ATP1B3: variants seen among roughly 807,000 people sequenced by gnomAD.
ATP1B3 encodes sodium/potassium-transporting ATPase subunit beta-3.
In ATP1B3, 10 loss-of-function variants were observed where a neutral mutation model predicts 30.2. The observed-to-expected ratio is 0.33, with a 90% CI of 0.20 to 0.56. The LOEUF is 0.56. ATP1B3 is among the 20% of genes least tolerant of loss of function. The pLI is 0.90. For synonymous variants in ATP1B3, 113 were observed against 117.0 expected (o/e 0.97, Z 0.22); for missense variants, 238 against 336.7 (o/e 0.71, Z 2.29).
intron 1 of ATP1B3, among the ~76,000 whole-genome samples, chr3:141,893,110 G>A (rs1191768349): frequency 6.6e-6 from 1 of 152,068 alleles, no homozygotes; most frequent in Non-Finnish European, 1.5e-5. Flanking sequence ...TCAGGTTAAA[G>A]CAATTCTCCT....
At chr3:141,884,056 G>A (rs11706195) in intron 1 of ATP1B3, among the ~76,000 whole-genome samples, 16,383 of 152,154 alleles carry the variant, frequency 0.11, 1,080 homozygotes, top group Middle Eastern at 0.16. Context: ...CCCTCATAAA[G>A]TCTTTTTTTC....
intron 1 of ATP1B3, among the ~76,000 whole-genome samples, chr3:141,886,769 G>A (rs918607984): frequency 6.6e-6 from 1 of 152,198 alleles, no homozygotes; most frequent in African/African-American, 2.4e-5. Context: ...AGGCCAAGAT[G>A]GGAGGACTAC....
At chr3:141,923,089 C>G (rs1463698435) in intron 6 of ATP1B3, among the ~76,000 whole-genome samples, 1 of 152,110 alleles carries the variant, frequency 6.6e-6, no homozygotes, top group Non-Finnish European at 1.5e-5. Context: ...ACCAGCCTGA[C>G]TAGCATAGTG....
intron 3 of ATP1B3, among the ~76,000 whole-genome samples, chr3:141,911,064 A>G (rs1576398110): frequency 6.6e-6 from 1 of 151,192 alleles, no homozygotes; most frequent in Admixed American, 6.6e-5. Flanking sequence ...TTCTGTCTCT[A>G]AAGTATTTTG....
At chr3:141,923,335 G>A (rs1934600354) in intron 6 of ATP1B3, among the ~76,000 whole-genome samples, 1 of 151,880 alleles carries the variant, frequency 6.6e-6, no homozygotes, top group South Asian at 2.1e-4. Flanking sequence ...GGGACTAGCG[G>A]CTTTATAAGA....
chr3:141,924,196 T>C (rs1173322060), intron 6 of ATP1B3, among the ~76,000 whole-genome samples: 1 of 150,424 alleles, frequency 6.6e-6, no homozygotes, highest in African/African-American at 2.5e-5. Context: ...ATACAAAAAT[T>C]AGCTGACCGT....
intron 3 of ATP1B3, among the ~76,000 whole-genome samples, chr3:141,911,461 T>C (rs558320500): frequency 4.5e-4 from 69 of 152,090 alleles, no homozygotes; most frequent in Admixed American, 1.9e-3. Context: ...CTCTTTCCTT[T>C]AGGGTCATTC....
At chr3:141,912,450 T>G (rs568237344) in intron 3 of ATP1B3, among the ~76,000 whole-genome samples, 1 of 151,892 alleles carries the variant, frequency 6.6e-6, no homozygotes, top group South Asian at 2.1e-4. Context: ...TTTAGTAGAG[T>G]CGTGGTTTCA....
chr3:141,907,087 T>G, intron 2 of ATP1B3, 80 bp from the exon 3 acceptor site: 2 of 1,051,054 alleles, frequency 1.9e-6, no homozygotes, highest in Non-Finnish European at 2.7e-6. Flanking sequence ...TGTAATTTGC[T>G]GAGATCTGCT....
intron 3 of ATP1B3, among the ~76,000 whole-genome samples, chr3:141,907,652 A>G (rs1440568042): frequency 1.3e-5 from 2 of 152,158 alleles, no homozygotes; most frequent in Non-Finnish European, 2.9e-5. Flanking sequence ...AAAAAAAAAA[A>G]AAGAGTCCCA....
At chr3:141,891,320 A>T (rs1157700910) in intron 1 of ATP1B3, among the ~76,000 whole-genome samples, 1 of 152,346 alleles carries the variant, frequency 6.6e-6, no homozygotes, top group Non-Finnish European at 1.5e-5. Context: ...TGCAAGCCTT[A>T]TAAAAACCAT....
At chr3:141,923,365 C>A (rs1002026263) in intron 6 of ATP1B3, among the ~76,000 whole-genome samples, 1 of 152,118 alleles carries the variant, frequency 6.6e-6, no homozygotes, top group African/African-American at 2.4e-5. Flanking sequence ...GAGACCTGAG[C>A]TAGCAGGTTA....
chr3:141,886,515 A>G (rs769987211), intron 1 of ATP1B3, among the ~76,000 whole-genome samples: 2 of 152,158 alleles, frequency 1.3e-5, no homozygotes, highest in Non-Finnish European at 1.5e-5. Flanking sequence ...TTAATTTTTA[A>G]AGTTTCCAGA....
At chr3:141,919,434 T>G (rs1934526564) in intron 5 of ATP1B3, among the ~76,000 whole-genome samples, 2 of 152,214 alleles carry the variant, frequency 1.3e-5, no homozygotes, top group African/African-American at 4.8e-5. Flanking sequence ...CCTTTTATAT[T>G]ATCAACTTAA....
At chr3:141,892,767 G>A (rs1348055381) in intron 1 of ATP1B3, among the ~76,000 whole-genome samples, 1 of 151,926 alleles carries the variant, frequency 6.6e-6, no homozygotes, top group African/African-American at 2.4e-5. Flanking sequence ...GGAAGGGTGT[G>A]TAGATTGCAA....
At chr3:141,914,828 C>G (rs374861243) in intron 4 of ATP1B3, among the ~76,000 whole-genome samples, 14 of 152,326 alleles carry the variant, frequency 9.2e-5, no homozygotes, top group African/African-American at 3.4e-4. Context: ...TGACACCCCT[C>G]CAACCTCTGC....
chr3:141,911,790 C>T (rs897965519), intron 3 of ATP1B3, among the ~76,000 whole-genome samples: 5 of 152,054 alleles, frequency 3.3e-5, no homozygotes, highest in Admixed American at 2.0e-4. Flanking sequence ...CCACTGCGCT[C>T]GGCCTTTGGT....
In ATP1B3 at chr3:141,907,007, T is replaced by A. The variant is rs78267268; in HGVS notation, c.239-160T>A. Among the ~76,000 whole-genome samples the A allele has an allele frequency of 6.1e-3, 932 of 152,350 alleles. 9 individuals are homozygous for A. The highest frequency in any genetic ancestry group is 0.021 in the African/African-American group (880 of 41,578). Reference sequence around the variant, plus strand: ...GGTTTGAGTTATTTTTAATTTTAGATGTCTATGCCTTCATAATTAGAATTG... The same window carrying A: ...GGTTTGAGTTATTTTTAATTTTAGAAGTCTATGCCTTCATAATTAGAATTG... On this transcript the variant is annotated intron_variant, in intron 2 of 6. Coordinates refer to ENST00000286371, the MANE Select transcript of ATP1B3 (RefSeq NM_001679.4).
In ATP1B3 at chr3:141,876,729, G is replaced by C; in HGVS notation, c.-73G>C. On this transcript the variant is annotated 5_prime_UTR_variant, in exon 1 of 7. Transcript: ENST00000286371. ...GTCTCCGGGCTGCGCCGCCGGAGCC[G>C]GGACGCGCCTCCGCAGCCCTCGCCG... is the stretch of plus-strand genomic sequence containing the variant. 1.7e-6 allele frequency: 2 copies of C among 1,211,942 alleles called. No individual in the cohort carries two copies. Among genetic ancestry groups the C allele is most frequent in the African/African-American group, 3.2e-5 (2 of 63,388 alleles). The allele number at this position is 1,211,942 out of a possible 1,614,324, so 75.1% of individuals were successfully genotyped here.
Sources: gnomAD v4.1 joint callset for allele counts (sites outside exome capture counted in the v4.1 genomes callset) on GRCh38, gnomAD v4.1.1 for gene constraint, MANE v1.5 for transcripts, NCBI Gene and HGNC (gene_info 2026-07-23, HGNC 2026-07-21) for gene names.